Variants in PTPRR observed in about 807,000 individuals in gnomAD.
The protein encoded by PTPRR is protein tyrosine phosphatase receptor type R.
Under a neutral mutation model 77.2 loss-of-function variants are expected in PTPRR, and 38 were observed. The observed-to-expected ratio is 0.49, with a 90% CI of 0.38 to 0.65. The LOEUF (loss-of-function observed/expected upper bound fraction) is 0.65. Among genes scored for constraint, PTPRR ranks in the 30% least tolerant of loss-of-function variants. The pLI is 0.00. For missense variants in PTPRR, 744 were observed against 799.2 expected (o/e 0.93, Z 0.83); for synonymous variants, 299 against 283.1 (o/e 1.06, Z -0.57).
chr12:70,799,114 C>T (rs187431056), intron 2 of PTPRR, among the ~76,000 whole-genome samples: 7 of 152,184 alleles, frequency 4.6e-5, no homozygotes, highest in Non-Finnish European at 8.8e-5. Context: ...GTCTAAGATC[C>T]GCTTACCTCC....
intron 2 of PTPRR, among the ~76,000 whole-genome samples, chr12:70,852,375 A>G (rs985591343): frequency 3.9e-4 from 59 of 152,228 alleles, no homozygotes; most frequent in African/African-American, 1.4e-3. Flanking sequence ...AAAATATCTA[A>G]GAGAAAATTG....
At chr12:70,874,188 T>C (rs1317303839) in intron 2 of PTPRR, among the ~76,000 whole-genome samples, 4 of 152,222 alleles carry the variant, frequency 2.6e-5, no homozygotes, top group African/African-American at 9.6e-5. Context: ...CCCATACTTT[T>C]ACTCTTCAGT....
chr12:70,875,885 T>C (rs1258065006), intron 2 of PTPRR, among the ~76,000 whole-genome samples: 1 of 148,432 alleles, frequency 6.7e-6, no homozygotes, highest in East Asian at 2.1e-4. Flanking sequence ...ATGAGAGGAA[T>C]TCCAAGTAAC....
intron 2 of PTPRR, among the ~76,000 whole-genome samples, chr12:70,880,236 G>T (rs1385331468): frequency 6.6e-6 from 1 of 151,964 alleles, no homozygotes; most frequent in Admixed American, 6.6e-5. Flanking sequence ...AATTCCATAG[G>T]GTGGGTATTA....
In PTPRR at chr12:70,660,981, T is replaced by C. The variant is rs1886778373; in HGVS notation, c.1725A>G (p.Arg575=). The C allele has an allele frequency of 6.2e-7, 1 of 1,613,746 alleles. No individual in the cohort carries two copies. The highest frequency in any genetic ancestry group is 8.5e-7 in the Non-Finnish European group (1 of 1,179,944). The change falls in exon 12 of 14, where the codon AGA becomes AGG. Residue 575 remains arginine, a synonymous_variant. Coordinates refer to ENST00000283228, the MANE Select transcript of PTPRR (RefSeq NM_002849.4). ...CAGGCCCTCGGCCCTGGGAAGCAAG[T>C]CTGTCTTCTTCTACATCCAGCATGA... ...LQLMLDVEED[R]LASQGRGPVV... is the part of the protein sequence containing the mutation.
chr12:70,731,665 G>A (rs1186468097), intron 6 of PTPRR, among the ~76,000 whole-genome samples: 2 of 152,236 alleles, frequency 1.3e-5, no homozygotes, highest in Non-Finnish European at 1.5e-5. Flanking sequence ...TGGCAAGTGA[G>A]AATTTCTCCC....
At chr12:70,856,732 A>G (rs1892657863) in intron 2 of PTPRR, among the ~76,000 whole-genome samples, 1 of 144,994 alleles carries the variant, frequency 6.9e-6, no homozygotes, top group African/African-American at 2.8e-5. Flanking sequence ...GGCGAAGAGT[A>G]TATCAGTTAG....
chr12:70,809,743 C>T (rs1044958503), intron 2 of PTPRR, among the ~76,000 whole-genome samples: 1 of 152,070 alleles, frequency 6.6e-6, no homozygotes, highest in African/African-American at 2.4e-5. Context: ...TCAATAAATG[C>T]TAAATTGATT....
chr12:70,919,673 GTTTTTTTTTT>G lies in PTPRR; in HGVS notation c.58+650_58+659del, dbSNP rs58439089. On this transcript the variant is annotated intron_variant, in intron 1 of 13. Transcript: ENST00000283228. ...GGTTGTCAGCTTTGGAACTGTAATT[GTTTTTTTTTT>G]TTTTTTTTTTTTTTTTTTTTTTAAT... 6.7e-4 allele frequency among the ~76,000 whole-genome samples: 74 copies of G among 110,074 alleles called. 1 individual carries two copies. Among genetic ancestry groups the G allele is most frequent in the South Asian group, 5.3e-3 (18 of 3,406 alleles). 72.2% of individuals were successfully genotyped at this position (110,074 alleles called of 152,430 possible).
chr12:70,795,919 T>TTC (rs1372069115), intron 2 of PTPRR, among the ~76,000 whole-genome samples: 1 of 107,982 alleles, frequency 9.3e-6, no homozygotes, highest in African/African-American at 3.8e-5. Context: ...GTAGATTTTT[T>TTC]TTTTTTTTTT....
chr12:70,719,989 T>A (rs1889186394), intron 6 of PTPRR, among the ~76,000 whole-genome samples: 2 of 152,366 alleles, frequency 1.3e-5, no homozygotes, highest in South Asian at 4.1e-4. Flanking sequence ...TGTCTGTAAG[T>A]GGCGCACAAG....
intron 3 of PTPRR, among the ~76,000 whole-genome samples, chr12:70,762,318 G>A (rs989995260): frequency 1.3e-5 from 2 of 151,796 alleles, no homozygotes. Flanking sequence ...CACACAGAGA[G>A]CAGACAAAAC....
chr12:70,672,637 G>A, intron 10 of PTPRR: 2 of 1,523,302 alleles, frequency 1.3e-6, no homozygotes, highest in Non-Finnish European at 1.8e-6. Flanking sequence ...CCAAGTGAAT[G>A]GGGAAGTGGT....
At chr12:70,680,292 T>C (rs575803075) in intron 10 of PTPRR, among the ~76,000 whole-genome samples, 2 of 152,210 alleles carry the variant, frequency 1.3e-5, no homozygotes. Flanking sequence ...TGGTGTCATG[T>C]TTCTTTGCTT....
chr12:70,865,635 C>T (rs1393922429), intron 2 of PTPRR, among the ~76,000 whole-genome samples: 1 of 152,176 alleles, frequency 6.6e-6, no homozygotes, highest in Non-Finnish European at 1.5e-5. Flanking sequence ...CGTCTGAACC[C>T]ATGTGGATTA....
intron 6 of PTPRR, among the ~76,000 whole-genome samples, chr12:70,719,126 C>T (rs1889144550): frequency 1.3e-5 from 2 of 152,132 alleles, no homozygotes. Flanking sequence ...TCAAAATACG[C>T]TACGGAAATC....
chr12:70,705,786 AC>A (rs369758354), intron 6 of PTPRR, among the ~76,000 whole-genome samples: 200 of 152,094 alleles, frequency 1.3e-3, no homozygotes, highest in African/African-American at 4.3e-3. Flanking sequence ...ATTAGTGTAC[AC>A]GTCAAATCTT....
At chr12:70,831,419 A>T (rs1316185982) in intron 2 of PTPRR, among the ~76,000 whole-genome samples, 1 of 152,192 alleles carries the variant, frequency 6.6e-6, no homozygotes, top group Admixed American at 6.5e-5. Context: ...AAGCTCTTCA[A>T]ATATCATTTT....
intron 13 of PTPRR, among the ~76,000 whole-genome samples, chr12:70,640,581 C>A (rs1885963193): frequency 6.6e-6 from 1 of 152,172 alleles, no homozygotes; most frequent in African/African-American, 2.4e-5. Flanking sequence ...CTTGTAAATT[C>A]TCTGTAACTC....
Sources: allele counts gnomAD v4.1 joint callset (sites outside exome capture counted in the v4.1 genomes callset), GRCh38; gene constraint gnomAD v4.1.1; transcripts MANE v1.5; gene names NCBI Gene and HGNC (gene_info 2026-07-23, HGNC 2026-07-21).